ERAP1: variants seen among roughly 807,000 people sequenced by gnomAD.
ERAP1 encodes endoplasmic reticulum aminopeptidase 1, also known as adipocyte-derived leucine aminopeptidase.
ERAP1 carries 86 observed loss-of-function variants against 103.7 expected under a neutral mutation model. That is an observed-to-expected ratio of 0.83 (90% confidence interval 0.70 to 0.99). The LOEUF (loss-of-function observed/expected upper bound fraction) is 0.99. ERAP1 is among the 50% of genes least tolerant of loss of function. The pLI, the probability that ERAP1 is intolerant of heterozygous loss-of-function variation, is 0.00. For synonymous variants in ERAP1, 398 were observed against 402.4 expected, an observed-to-expected ratio of 0.99 and a Z score of 0.13; for missense variants, 1,009 against 1,128.4, an observed-to-expected ratio of 0.89 and a Z score of 1.52.
At chr5:96,867,406 C>T in the ERAP1 span, among the ~76,000 whole-genome samples, 3 of 152,180 alleles carry the variant, frequency 2.0e-5, no homozygotes, top group South Asian at 6.2e-4. Context: ...CTATTTGTCA[C>T]AGTTTTTATA....
At chr5:96,824,898 G>A in the ERAP1 span, among the ~76,000 whole-genome samples, 3 of 152,110 alleles carry the variant, frequency 2.0e-5, no homozygotes, top group African/African-American at 7.2e-5. Flanking sequence ...AAAATTAGCT[G>A]GGCATGGTGG....
At chr5:96,912,209 A>AAAT in the ERAP1 span, among the ~76,000 whole-genome samples, 69 of 150,928 alleles carry the variant, frequency 4.6e-4, no homozygotes, top group South Asian at 0.014. Context: ...AAAAAAGAAA[A>AAAT]GAAAAGAAAA....
the ERAP1 span, among the ~76,000 whole-genome samples, chr5:96,841,509 T>C: frequency 2.0e-5 from 3 of 152,198 alleles, no homozygotes; most frequent in Admixed American, 1.3e-4. Flanking sequence ...GGGATCTCTC[T>C]CAGAGGCCTG....
the ERAP1 span, among the ~76,000 whole-genome samples, chr5:96,887,902 G>A: frequency 6.6e-6 from 1 of 152,142 alleles, no homozygotes; most frequent in South Asian, 2.1e-4. Flanking sequence ...GAGGCTGGCA[G>A]ATCGCCTGAG....
At chr5:96,911,551 G>C in the ERAP1 span, among the ~76,000 whole-genome samples, 1 of 151,890 alleles carries the variant, frequency 6.6e-6, no homozygotes, top group Non-Finnish European at 1.5e-5. Context: ...AGACTCTCTA[G>C]GCCTAGAGAG....
the ERAP1 span, among the ~76,000 whole-genome samples, chr5:96,920,277 C>A: frequency 6.6e-6 from 1 of 150,416 alleles, no homozygotes; most frequent in Non-Finnish European, 1.5e-5. Context: ...TGCACTCCAG[C>A]CTGGGTGACA....
the ERAP1 span, chr5:96,884,047 TATC>T: frequency 8.1e-6 from 4 of 491,796 alleles, no homozygotes; most frequent in Non-Finnish European, 1.4e-5. Context: ...TCTATCTATC[TATC>T]TATCTATCTA....
intron 14 of ERAP1, 80 bp downstream of exon 14, chr5:96,783,843 AC>A: frequency 2.4e-6 from 1 of 422,668 alleles, no homozygotes; most frequent in Non-Finnish European, 3.2e-6. Context: ...ACACACACAC[AC>A]ACACACACAC....
chr5:96,913,344 G>T, the ERAP1 span: 1 of 1,614,058 alleles, frequency 6.2e-7, no homozygotes, highest in South Asian at 1.1e-5. Flanking sequence ...TGGAAGGAAA[G>T]GTTATCAAGA....
the ERAP1 span, among the ~76,000 whole-genome samples, chr5:96,888,364 C>T: frequency 9.9e-5 from 15 of 152,112 alleles, no homozygotes; most frequent in Non-Finnish European, 2.1e-4. Flanking sequence ...TTTGGATTCA[C>T]GTCCCAGCTC....
At chr5:96,915,755 G>C in the ERAP1 span, 1 of 1,601,104 alleles carries the variant, frequency 6.2e-7, no homozygotes, top group Non-Finnish European at 8.5e-7. Context: ...TTCTTCCAAG[G>C]ATAAGTTGCA....
At chr5:96,863,296 C>T in the ERAP1 span, among the ~76,000 whole-genome samples, 1 of 152,144 alleles carries the variant, frequency 6.6e-6, no homozygotes, top group Non-Finnish European at 1.5e-5. Flanking sequence ...AGAACCTCTA[C>T]AGATTCTACC....
the ERAP1 span, among the ~76,000 whole-genome samples, chr5:96,905,012 C>G: frequency 2.6e-5 from 4 of 152,016 alleles, no homozygotes; most frequent in Non-Finnish European, 5.9e-5. Flanking sequence ...CCTAAATTTT[C>G]CAGTCTTTAA....
exon 20 of ERAP1, chr5:96,762,364 GAT>G: frequency 6.3e-7 from 1 of 1,595,322 alleles, no homozygotes; most frequent in Non-Finnish European, 8.5e-7. Flanking sequence ...CCCACCCCGT[GAT>G]ACCTCGGTAA....
chr5:96,880,513 T>C, the ERAP1 span, among the ~76,000 whole-genome samples: 12,626 of 152,250 alleles, frequency 0.083, 655 homozygotes, highest in Non-Finnish European at 0.12. Flanking sequence ...ATGATAGATA[T>C]GCTTATGTGC....
rs564902245 is a variant in ERAP1, at chr5:96,774,817, T to G, written c.*1579A>C. ...AATTCCAATTCCACTTTTATACCTA[T>G]TTATTTGTTGTAGTGAATGGTTTAA... On this transcript the variant is annotated 3_prime_UTR_variant, in exon 19 of 19. Coordinates refer to ENST00000443439, the MANE Select transcript of ERAP1 (RefSeq NM_001040458.3). 115 of 984,762 alleles carry G rather than the reference T, an allele frequency of 1.2e-4. No individual in the cohort carries two copies. In the African/African-American group the frequency reaches 2.0e-3, roughly 17 times the overall value. The allele number at this position is 984,762 out of a possible 1,614,324, so 61.0% of individuals were successfully genotyped here.
At chr5:96,811,463 G>C (rs1393143946), upstream of ERAP1, among the ~76,000 whole-genome samples, 1 of 152,204 alleles carries the variant, frequency 6.6e-6, no homozygotes, top group Non-Finnish European at 1.5e-5. Context: ...GCCACCACAT[G>C]GAAAAAGCCT....
the ERAP1 span, among the ~76,000 whole-genome samples, chr5:96,843,853 T>G: frequency 6.6e-6 from 1 of 152,216 alleles, no homozygotes; most frequent in Non-Finnish European, 1.5e-5. Flanking sequence ...CCTAAATTTT[T>G]AAACCAAGCT....
the ERAP1 span, among the ~76,000 whole-genome samples, chr5:96,827,664 A>AAAATAAATAAAT: frequency 6.6e-6 from 1 of 150,858 alleles, no homozygotes; most frequent in East Asian, 2.0e-4. Flanking sequence ...GACTCATCTC[A>AAAATAAATAAAT]AAATAAATAA....
Sources: allele counts gnomAD v4.1 joint callset (sites outside exome capture counted in the v4.1 genomes callset), GRCh38; gene constraint gnomAD v4.1.1; transcripts MANE v1.5; gene names NCBI Gene and HGNC (gene_info 2026-07-23, HGNC 2026-07-21).